The following FUT8 variants were observed in gnomAD, a reference collection of about 807,000 sequenced individuals.
The protein encoded by FUT8 is fucosyltransferase 8.
Under a neutral mutation model 71.3 loss-of-function variants are expected in FUT8, and 29 were observed. The ratio of observed to expected loss-of-function variants is 0.41; its 90% confidence interval spans 0.30 to 0.55. The LOEUF (loss-of-function observed/expected upper bound fraction) is 0.55. Ranked by LOEUF, FUT8 falls within the 20% of genes least tolerant of loss-of-function variation. The pLI is 0.34. For synonymous variants in FUT8, 254 were observed against 239.3 expected (o/e 1.06, Z -0.57); for missense variants, 544 against 702.1 (o/e 0.77, Z 2.55).
At chr14:65,480,968 G>T (rs2066321731) in intron 2 of FUT8, among the ~76,000 whole-genome samples, 1 of 152,080 alleles carries the variant, frequency 6.6e-6, no homozygotes, top group African/African-American at 2.4e-5. Context: ...AGAATTATAG[G>T]CATGACCATC....
intron 2 of FUT8, among the ~76,000 whole-genome samples, chr14:65,552,839 C>G (rs573745986): frequency 6.6e-6 from 1 of 152,244 alleles, no homozygotes; most frequent in South Asian, 2.1e-4. Flanking sequence ...ACTTGTTGCT[C>G]TGGGGGAATG....
rs76033782 is a variant in FUT8, at chr14:65,470,136, C to T, written c.-228+14418C>T. On this transcript the variant is annotated intron_variant, in intron 2 of 10. Transcript: ENST00000673929. The stretch of plus-strand genomic sequence containing the variant: ...GGGGGCCTAGGCGGCAGGGCCTGAG[C>T]ATGCGCATATCCTGTTGGGCTGTGA... 6.8e-3 allele frequency among the ~76,000 whole-genome samples: 1,032 copies of T among 152,362 alleles called. 15 individuals are homozygous for T. Among genetic ancestry groups the T allele is most frequent in the African/African-American group, 0.023 (964 of 41,584 alleles).
intron 1 of FUT8, among the ~76,000 whole-genome samples, chr14:65,431,737 A>G (rs1269990490): frequency 1.3e-5 from 2 of 149,822 alleles, no homozygotes; most frequent in Non-Finnish European, 3.0e-5. Flanking sequence ...CTCTCTCTAA[A>G]TTGTGTAAGT....
At chr14:65,621,937 G>A (rs1028554371) in intron 5 of FUT8, among the ~76,000 whole-genome samples, 3 of 151,974 alleles carry the variant, frequency 2.0e-5, no homozygotes, top group African/African-American at 7.3e-5. Flanking sequence ...CAATTCTCGT[G>A]CCCCAGCCTC....
intron 7 of FUT8, among the ~76,000 whole-genome samples, chr14:65,683,013 A>AT (rs386364141): frequency 0.14 from 19,304 of 140,970 alleles, 1,408 homozygotes; most frequent in African/African-American, 0.2. Context: ...AGTAATTGCA[A>AT]TTTTTTTTTT....
chr14:65,690,836 C>G (rs537754406), intron 7 of FUT8, among the ~76,000 whole-genome samples: 198 of 152,110 alleles, frequency 1.3e-3, no homozygotes, highest in Non-Finnish European at 1.5e-3. Flanking sequence ...GCTGATAATC[C>G]TGCCTCAGCC....
intron 1 of FUT8, among the ~76,000 whole-genome samples, chr14:65,425,468 GTTTT>G (rs557101189): frequency 8.4e-6 from 1 of 119,570 alleles, no homozygotes. Flanking sequence ...ATGCCTGGCC[GTTTT>G]TTTTTTTTTT....
At chr14:65,515,305 C>T (rs1034843372) in intron 2 of FUT8, among the ~76,000 whole-genome samples, 1 of 151,966 alleles carries the variant, frequency 6.6e-6, no homozygotes, top group African/African-American at 2.4e-5. Context: ...GGGGACTCTA[C>T]AATAGCTTAC....
chr14:65,611,394 C>CT lies in FUT8; in HGVS notation c.204-4574dup, dbSNP rs1177294972. On this transcript the variant is annotated intron_variant, in intron 3 of 10. Transcript: ENST00000673929. ...TCTGCCAGTTTAATTGATTTTCTTT[C>CT]TTTTTTTTTTAAAGAACCAGATTTT... 2.6e-3 allele frequency among the ~76,000 whole-genome samples: 375 copies of CT among 144,382 alleles called. 1 individual carries two copies. The highest frequency in any genetic ancestry group is 7.6e-3 in the African/African-American group (295 of 38,882). The allele number at this position is 144,382 out of a possible 152,430, so 94.7% of individuals were successfully genotyped here. A position where few individuals can be genotyped will look rare whatever the true frequency, so the allele number is the denominator to read the frequency against.
intron 6 of FUT8, among the ~76,000 whole-genome samples, chr14:65,632,896 A>G (rs1890266559): frequency 6.6e-6 from 1 of 152,078 alleles, no homozygotes; most frequent in Non-Finnish European, 1.5e-5. Context: ...TTTTTGTATA[A>G]GGTGAGAGAT....
At chr14:65,629,375 C>G (rs1890057424) in intron 5 of FUT8, 117 bp from the exon 6 acceptor site, 1 of 612,230 alleles carries the variant, frequency 1.6e-6, no homozygotes, top group Non-Finnish European at 2.9e-6. Context: ...AAGATGAGTA[C>G]CAGTGTCAAT....
At position 65,435,426 on chromosome 14, in the gene FUT8, G is replaced by A. The variant is rs574380958; in HGVS notation, c.-325-20195G>A. On this transcript the variant is annotated intron_variant, in intron 1 of 10. Coordinates refer to ENST00000673929, the MANE Select transcript of FUT8 (RefSeq NM_001371533.1). ...ATTCATTGAGATTCATTTATGTTGC[G>A]TGTATCAATAGTTCGTTCCTTTACA... 8.5e-5 allele frequency among the ~76,000 whole-genome samples: 13 copies of A among 152,234 alleles called. No homozygotes were observed. In the South Asian group the frequency reaches 1.0e-3, roughly 12 times the overall value.
At chr14:65,406,534 CTCTT>C (rs1161071568), upstream of FUT8, among the ~76,000 whole-genome samples, 1 of 152,100 alleles carries the variant, frequency 6.6e-6, no homozygotes, top group African/African-American at 2.4e-5. Context: ...CTCGCTCTCT[CTCTT>C]TCTCTCTTTC....
At chr14:65,618,846 C>A (rs1044262037) in intron 5 of FUT8, among the ~76,000 whole-genome samples, 2 of 152,112 alleles carry the variant, frequency 1.3e-5, no homozygotes, top group Non-Finnish European at 2.9e-5. Context: ...ATGGGCCTGC[C>A]TTCTTAAAAG....
At chr14:65,703,009 T>A (rs1894386094) in intron 7 of FUT8, among the ~76,000 whole-genome samples, 1 of 152,304 alleles carries the variant, frequency 6.6e-6, no homozygotes, top group African/African-American at 2.4e-5. Flanking sequence ...CCTCCCAAAG[T>A]GCTGGGATTA....
intron 3 of FUT8, among the ~76,000 whole-genome samples, chr14:65,580,946 T>C (rs2140111652): frequency 6.6e-6 from 1 of 152,224 alleles, no homozygotes. Flanking sequence ...TTACATATTG[T>C]TCTCAAAGTT....
At chr14:65,357,709 C>G in the FUT8 span, among the ~76,000 whole-genome samples, 5 of 152,208 alleles carry the variant, frequency 3.3e-5, no homozygotes, top group African/African-American at 1.2e-4. Flanking sequence ...TACTTAATGT[C>G]TGCACCTCAG....
At chr14:65,498,023 G>A (rs1017745266) in intron 2 of FUT8, among the ~76,000 whole-genome samples, 2 of 152,018 alleles carry the variant, frequency 1.3e-5, no homozygotes, top group African/African-American at 4.8e-5. Context: ...AGGGAGTTTT[G>A]GTCAGAGTCA....
At chr14:65,366,660 C>T in the FUT8 span, among the ~76,000 whole-genome samples, 1 of 152,144 alleles carries the variant, frequency 6.6e-6, no homozygotes, top group African/African-American at 2.4e-5. Context: ...AGGCCTACCT[C>T]ATCTAATTAA....
Sources: gnomAD v4.1 joint callset for allele counts (sites outside exome capture counted in the v4.1 genomes callset) on GRCh38, gnomAD v4.1.1 for gene constraint, MANE v1.5 for transcripts, NCBI Gene and HGNC (gene_info 2026-07-23, HGNC 2026-07-21) for gene names.